Variants in ADGRB3 observed in about 807,000 individuals in gnomAD.
ADGRB3 encodes brain-specific angiogenesis inhibitor 3.
Under a neutral mutation model 193.4 loss-of-function variants are expected in ADGRB3, and 37 were observed. The observed-to-expected ratio is 0.19, with a 90% CI of 0.15 to 0.25. ADGRB3 has a LOEUF of 0.25. Ranked by LOEUF, ADGRB3 falls within the 10% of genes least tolerant of loss-of-function variation. ADGRB3 has a pLI of 1.00. For synonymous variants in ADGRB3, 690 were observed against 644.2 expected, an observed-to-expected ratio of 1.07 and a Z score of -1.08; for missense variants, 1,637 against 1,852.9, an observed-to-expected ratio of 0.88 and a Z score of 2.14.
chr6:69,277,791 G>T (rs1029294909), intron 20 of ADGRB3, among the ~76,000 whole-genome samples: 1 of 152,076 alleles, frequency 6.6e-6, no homozygotes, highest in Non-Finnish European at 1.5e-5. Flanking sequence ...ACAGACTTTG[G>T]GAAAATTACT....
At chr6:68,847,269 G>T (rs1443524495) in intron 3 of ADGRB3, among the ~76,000 whole-genome samples, 1 of 152,116 alleles carries the variant, frequency 6.6e-6, no homozygotes, top group Non-Finnish European at 1.5e-5. Context: ...ATAAGACTTT[G>T]GACTGTGGAC....
At chr6:69,354,624 G>A (rs1459540163) in intron 27 of ADGRB3, among the ~76,000 whole-genome samples, 2 of 152,166 alleles carry the variant, frequency 1.3e-5, no homozygotes, top group Non-Finnish European at 1.5e-5. Flanking sequence ...TCATGTGGAT[G>A]TCTTTTACAG....
intron 3 of ADGRB3, among the ~76,000 whole-genome samples, chr6:68,784,110 A>G (rs1313148080): frequency 6.6e-6 from 1 of 152,154 alleles, no homozygotes; most frequent in Admixed American, 6.6e-5. Context: ...TATATACTTT[A>G]TTATAAAACT....
intron 17 of ADGRB3, among the ~76,000 whole-genome samples, chr6:69,201,868 T>C (rs188016281): frequency 3.9e-5 from 6 of 152,276 alleles, no homozygotes; most frequent in African/African-American, 1.4e-4. Flanking sequence ...AAACTTAACA[T>C]ATCTTCTGTT....
At chr6:68,652,861 G>T (rs921320535) in intron 3 of ADGRB3, among the ~76,000 whole-genome samples, 18 of 152,040 alleles carry the variant, frequency 1.2e-4, no homozygotes, top group Non-Finnish European at 2.4e-4. Flanking sequence ...CCGAAGACAT[G>T]TTAATAAAAT....
intron 17 of ADGRB3, among the ~76,000 whole-genome samples, chr6:69,106,749 C>G (rs1300379039): frequency 1.3e-5 from 2 of 152,166 alleles, no homozygotes; most frequent in African/African-American, 4.8e-5. Context: ...TTTACACTTG[C>G]AGTATTTGGT....
At chr6:68,696,532 A>T (rs984072246) in intron 3 of ADGRB3, among the ~76,000 whole-genome samples, 3 of 151,806 alleles carry the variant, frequency 2.0e-5, no homozygotes, top group African/African-American at 7.2e-5. Context: ...CCTGAACTTG[A>T]TGTATTATTA....
intron 3 of ADGRB3, among the ~76,000 whole-genome samples, chr6:68,846,713 C>T (rs544452170): frequency 3.9e-5 from 6 of 152,202 alleles, no homozygotes; most frequent in Non-Finnish European, 8.8e-5. Flanking sequence ...TTTGGAAATG[C>T]CTGGATGCCC....
chr6:69,005,895 G>C (rs1027417348), intron 11 of ADGRB3, among the ~76,000 whole-genome samples: 2 of 152,126 alleles, frequency 1.3e-5, no homozygotes, highest in African/African-American at 4.8e-5. Flanking sequence ...AAACCTGCTA[G>C]ATGGCATCCT....
intron 5 of ADGRB3, among the ~76,000 whole-genome samples, chr6:68,939,797 A>AAAT (rs1767586433): frequency 6.6e-6 from 1 of 152,182 alleles, no homozygotes; most frequent in Non-Finnish European, 1.5e-5. Flanking sequence ...TGTCTTCCTA[A>AAAT]AATAATAAAT....
intron 3 of ADGRB3, among the ~76,000 whole-genome samples, chr6:68,807,917 T>A (rs1767437661): frequency 6.6e-6 from 1 of 152,144 alleles, no homozygotes; most frequent in Admixed American, 6.5e-5. Flanking sequence ...TTAAATCCCA[T>A]TTGGTTTTCC....
chr6:69,135,125 T>A (rs1774115502), intron 17 of ADGRB3, among the ~76,000 whole-genome samples: 1 of 152,000 alleles, frequency 6.6e-6, no homozygotes, highest in South Asian at 2.1e-4. Context: ...GCTACCCAAA[T>A]GGATGTTAAA....
chr6:69,274,772 A>G (rs1767264316), intron 20 of ADGRB3, among the ~76,000 whole-genome samples: 1 of 152,016 alleles, frequency 6.6e-6, no homozygotes, highest in Admixed American at 6.6e-5. Flanking sequence ...TCAGGCAACA[A>G]TAAGGTGCTT....
intron 13 of ADGRB3, among the ~76,000 whole-genome samples, chr6:69,041,914 A>T (rs1282175139): frequency 6.6e-6 from 1 of 152,154 alleles, no homozygotes; most frequent in Non-Finnish European, 1.5e-5. Flanking sequence ...ATGTTAACTA[A>T]GTGATATAAT....
intron 20 of ADGRB3, among the ~76,000 whole-genome samples, chr6:69,246,600 T>C (rs1013113528): frequency 5.9e-5 from 9 of 152,220 alleles, no homozygotes; most frequent in Non-Finnish European, 1.0e-4. Flanking sequence ...CCCTTGATTA[T>C]TCATTTCCAG....
chr6:68,811,760 G>A (rs1036568201), intron 3 of ADGRB3, among the ~76,000 whole-genome samples: 5 of 152,108 alleles, frequency 3.3e-5, no homozygotes, highest in African/African-American at 2.4e-5. Context: ...ATCAGCCACC[G>A]TGACCAGCCG....
At chr6:69,002,256 G>C (rs1240710536) in intron 11 of ADGRB3, among the ~76,000 whole-genome samples, 1 of 143,282 alleles carries the variant, frequency 7.0e-6, no homozygotes, top group Non-Finnish European at 1.5e-5. Flanking sequence ...GTTTTGCTCT[G>C]TCGCCAGGCT....
chr6:68,685,765 C>T (rs1016659135), intron 3 of ADGRB3, among the ~76,000 whole-genome samples: 9 of 151,950 alleles, frequency 5.9e-5, no homozygotes, highest in African/African-American at 1.2e-4. Context: ...TGGTGGCACG[C>T]GCCTGTAATC....
At chr6:68,951,596 T>A (rs528135789) in intron 6 of ADGRB3, among the ~76,000 whole-genome samples, 2 of 152,266 alleles carry the variant, frequency 1.3e-5, no homozygotes, top group East Asian at 3.9e-4. Flanking sequence ...TACTCCTGTG[T>A]GTGTTACGAG....
Sources: gnomAD v4.1 joint callset for allele counts (sites outside exome capture counted in the v4.1 genomes callset) on GRCh38, gnomAD v4.1.1 for gene constraint, MANE v1.5 for transcripts, NCBI Gene and HGNC (gene_info 2026-07-23, HGNC 2026-07-21) for gene names.